DTNBP1: variants seen among roughly 807,000 people sequenced by gnomAD.
DTNBP1 encodes the protein dysbindin.
A neutral mutation model predicts 42.8 loss-of-function variants in DTNBP1; 35 were observed. That is an observed-to-expected ratio of 0.82 (90% CI 0.63 to 1.09). The LOEUF (loss-of-function observed/expected upper bound fraction) is 1.09, where lower values mean the gene tolerates loss of function less well. Ranked by LOEUF, DTNBP1 falls within the 50% of genes least tolerant of loss-of-function variation. DTNBP1 has a pLI of 0.00. For synonymous variants in DTNBP1, 171 were observed against 162.2 expected (o/e 1.05, Z -0.41); for missense variants, 457 against 424.2 (o/e 1.08, Z -0.68).
chr6:15,566,701 CTTTTTTTTT>C (rs368168358), intron 7 of DTNBP1, among the ~76,000 whole-genome samples: 4 of 132,978 alleles, frequency 3.0e-5, no homozygotes, highest in Non-Finnish European at 6.4e-5. Context: ...AATGAATCTC[CTTTTTTTTT>C]TTTTTTTTTT....
intron 8 of DTNBP1, among the ~76,000 whole-genome samples, chr6:15,527,408 T>G (rs1457829697): frequency 6.6e-6 from 1 of 152,180 alleles, no homozygotes; most frequent in African/African-American, 2.4e-5. Context: ...CTTTCACACA[T>G]CTAATTATTT....
intron 7 of DTNBP1, chr6:15,585,626 A>C: frequency 7.1e-7 from 1 of 1,416,698 alleles, no homozygotes; most frequent in Non-Finnish European, 9.5e-7. Context: ...TATCATCTGC[A>C]TACCATGCAA....
intron 7 of DTNBP1, among the ~76,000 whole-genome samples, chr6:15,569,601 G>A (rs1157336420): frequency 1.3e-5 from 2 of 152,126 alleles, no homozygotes; most frequent in Non-Finnish European, 2.9e-5. Context: ...TGTCAGTGTA[G>A]TGACATGCCA....
intron 6 of DTNBP1, among the ~76,000 whole-genome samples, chr6:15,598,986 T>G (rs1476893101): frequency 1.3e-5 from 2 of 152,094 alleles, no homozygotes; most frequent in East Asian, 3.9e-4. Context: ...TCTTGGAATT[T>G]AAAGTTGAAA....
chr6:15,540,955 T>C (rs1286355538), intron 7 of DTNBP1, among the ~76,000 whole-genome samples: 1 of 152,136 alleles, frequency 6.6e-6, no homozygotes, highest in African/African-American at 2.4e-5. Flanking sequence ...AAATGACTTA[T>C]AAAAAATAGG....
chr6:15,581,478 GTTTTTT>G (rs68011795), intron 7 of DTNBP1, among the ~76,000 whole-genome samples: 6 of 90,386 alleles, frequency 6.6e-5, no homozygotes, highest in Middle Eastern at 9.4e-3. Context: ...GCGCCCGACT[GTTTTTT>G]TTTTTTTTTT....
intron 7 of DTNBP1, among the ~76,000 whole-genome samples, chr6:15,590,304 T>G (rs1776244816): frequency 1.3e-5 from 2 of 152,304 alleles, no homozygotes; most frequent in South Asian, 4.1e-4. Context: ...ACCAATGACC[T>G]GTTCATTGTC....
chr6:15,554,501 G>A (rs936641326), intron 7 of DTNBP1, among the ~76,000 whole-genome samples: 12 of 152,212 alleles, frequency 7.9e-5, no homozygotes. Flanking sequence ...AATCTGGAAA[G>A]AAGAGCTTTA....
chr6:15,614,075 A>G (rs889792615), intron 6 of DTNBP1, among the ~76,000 whole-genome samples: 1 of 152,170 alleles, frequency 6.6e-6, no homozygotes, highest in Admixed American at 6.5e-5. Context: ...CTTATGGCTC[A>G]TTAACATTTA....
chr6:15,630,154 GT>G (rs1759603642), intron 4 of DTNBP1, among the ~76,000 whole-genome samples: 1 of 152,160 alleles, frequency 6.6e-6, no homozygotes, highest in African/African-American at 2.4e-5. Flanking sequence ...TGATGAAAAG[GT>G]ACACCAATGA....
At chr6:15,575,535 A>C in intron 7 of DTNBP1, among the ~76,000 whole-genome samples, 1 of 152,246 alleles carries the variant, frequency 6.6e-6, no homozygotes, top group African/African-American at 2.4e-5. Flanking sequence ...AGTTGCAGGG[A>C]AAATGTCGCT....
chr6:15,637,646 T>A (rs1229888286), intron 4 of DTNBP1, 98 bp downstream of exon 4: 4 of 1,346,344 alleles, frequency 3.0e-6, no homozygotes, highest in Non-Finnish European at 4.2e-6. Context: ...CTGCAAAACA[T>A]TTTGACACAA....
At chr6:15,558,463 C>T (rs1774651060) in intron 7 of DTNBP1, among the ~76,000 whole-genome samples, 1 of 152,020 alleles carries the variant, frequency 6.6e-6, no homozygotes, top group South Asian at 2.1e-4. Context: ...GATGGGGTTT[C>T]AGCATGTTGG....
At chr6:15,614,893 G>C (rs1300676588) in intron 6 of DTNBP1, among the ~76,000 whole-genome samples, 1 of 152,200 alleles carries the variant, frequency 6.6e-6, no homozygotes, top group Non-Finnish European at 1.5e-5. Context: ...TCCACAGCCT[G>C]AGCTCATGCT....
chr6:15,600,991 G>T (rs1238023641), intron 6 of DTNBP1, among the ~76,000 whole-genome samples: 1 of 152,090 alleles, frequency 6.6e-6, no homozygotes, highest in African/African-American at 2.4e-5. Context: ...GCCCAAGGAG[G>T]GTCTGCAGAA....
At chr6:15,615,922 CAGG>C (rs1758690425) in intron 5 of DTNBP1, among the ~76,000 whole-genome samples, 1 of 152,214 alleles carries the variant, frequency 6.6e-6, no homozygotes. Context: ...CATGAGTTAC[CAGG>C]CTACTCAGTG....
At chr6:15,644,184 A>T (rs1760540159) in intron 3 of DTNBP1, among the ~76,000 whole-genome samples, 1 of 151,906 alleles carries the variant, frequency 6.6e-6, no homozygotes, top group African/African-American at 2.4e-5. Flanking sequence ...TTAAAAAAAA[A>T]AAAAAAGACA....
chr6:15,580,373 C>T (rs976665602), intron 7 of DTNBP1, among the ~76,000 whole-genome samples: 5 of 152,066 alleles, frequency 3.3e-5, no homozygotes, highest in South Asian at 4.1e-4. Flanking sequence ...AAAAAGCTAA[C>T]GATGAATACA....
intron 7 of DTNBP1, among the ~76,000 whole-genome samples, chr6:15,553,892 C>A (rs935129666): frequency 6.6e-6 from 1 of 152,036 alleles, no homozygotes; most frequent in Non-Finnish European, 1.5e-5. Context: ...GCCCTTCTCC[C>A]CTGAGGCAGG....
Sources: allele counts gnomAD v4.1 joint callset (sites outside exome capture counted in the v4.1 genomes callset), GRCh38; gene constraint gnomAD v4.1.1; transcripts MANE v1.5; gene names NCBI Gene and HGNC (gene_info 2026-07-23, HGNC 2026-07-21).